Variants in SLCO3A1 observed in about 807,000 individuals in gnomAD.
SLCO3A1 encodes the protein PGE1 transporter.
SLCO3A1 carries 27 observed loss-of-function variants against 63.1 expected under a neutral mutation model. That is an observed-to-expected ratio of 0.43 (90% confidence interval 0.32 to 0.59). The LOEUF is 0.59. Ranked by LOEUF, SLCO3A1 falls within the 20% of genes least tolerant of loss-of-function variation. The pLI is 0.09. For missense variants in SLCO3A1, 773 were observed against 945.8 expected, an observed-to-expected ratio of 0.82 and a Z score of 2.40; for synonymous variants, 473 against 409.9, an observed-to-expected ratio of 1.15 and a Z score of -1.86.
chr15:92,018,198 G>A (rs1243568833), intron 2 of SLCO3A1, among the ~76,000 whole-genome samples: 2 of 152,218 alleles, frequency 1.3e-5, no homozygotes, highest in Admixed American at 6.5e-5. Context: ...GGAACTGGGT[G>A]GGAGTCAGGG....
At chr15:92,043,022 C>G (rs955197286) in intron 2 of SLCO3A1, among the ~76,000 whole-genome samples, 7 of 152,080 alleles carry the variant, frequency 4.6e-5, no homozygotes, top group Non-Finnish European at 1.0e-4. Flanking sequence ...TTAATTGTGA[C>G]TTTTTTGGTG....
rs1310862781 is a variant in SLCO3A1, at chr15:91,941,468, G to A, written c.646+25010G>A. On this transcript the variant is annotated intron_variant, in intron 2 of 9. Transcript: ENST00000318445. The surrounding 1 kb of genome is among the most constrained non-coding windows in gnomAD (Gnocchi z 4.4). ...GCCTGGTTCCTTTGGCCTTAGGGAA[G>A]GACAAACTTCAACTCTGAGCCTTGA... 6.6e-6 allele frequency: 3 copies of A among 451,346 alleles called. No homozygotes were observed. Among genetic ancestry groups the A allele is most frequent in the East Asian group, 1.4e-4 (2 of 14,360 alleles). The allele number at this position is 451,346 out of a possible 1,614,324, so 28.0% of individuals were successfully genotyped here.
chr15:91,934,193 G>A (rs1217200776), intron 2 of SLCO3A1, among the ~76,000 whole-genome samples: 1 of 152,132 alleles, frequency 6.6e-6, no homozygotes, highest in African/African-American at 2.4e-5. Flanking sequence ...AGGACCAGGT[G>A]GATGTCTGTA....
chr15:92,163,307 G>A lies in SLCO3A1; in HGVS notation c.*172G>A. On this transcript the variant is annotated 3_prime_UTR_variant, in exon 10 of 10. Coordinates refer to ENST00000318445, the MANE Select transcript of SLCO3A1 (RefSeq NM_013272.4). ...GTCCTTTTTCTCAGCATCAGAGCCAGACAGGATTCAGAATAAGGAGAGAAT... is the reference window on the plus strand; with the variant it reads ...GTCCTTTTTCTCAGCATCAGAGCCAAACAGGATTCAGAATAAGGAGAGAAT... The A allele has an allele frequency of 7.8e-7, 1 of 1,280,190 alleles. No homozygotes were observed. Among genetic ancestry groups the A allele is most frequent in the South Asian group, 2.9e-5 (1 of 34,426 alleles). The allele number at this position is 1,280,190 out of a possible 1,614,324, so 79.3% of individuals were successfully genotyped here.
In SLCO3A1 at chr15:91,950,711, T is replaced by G. The variant is rs567406977; in HGVS notation, c.646+34253T>G. On this transcript the variant is annotated intron_variant, in intron 2 of 9. Transcript: ENST00000318445. This position sits in a 1 kb window ranked among gnomAD's most constrained non-coding sequence, Gnocchi z 4.4. ...TTCTGTATTTCACAACCAGTCTGAT[T>G]GCTCTTGTCCCAAGTCATTGCTTTT... Among the ~76,000 whole-genome samples the G allele has an allele frequency of 6.6e-6, 1 of 152,354 alleles. No homozygotes were observed. Among genetic ancestry groups the G allele is most frequent in the South Asian group, 2.1e-4 (1 of 4,822 alleles).
chr15:92,006,835 A>G (rs2046318729), intron 2 of SLCO3A1, among the ~76,000 whole-genome samples: 1 of 152,230 alleles, frequency 6.6e-6, no homozygotes, highest in Admixed American at 6.5e-5. Flanking sequence ...CAGTCCAGAA[A>G]GGGAGTTCCC....
chr15:91,954,721 A>G lies in SLCO3A1; in HGVS notation c.646+38263A>G, dbSNP rs184418115. On this transcript the variant is annotated intron_variant, in intron 2 of 9. Transcript: ENST00000318445. The surrounding 1 kb of genome is among the most constrained non-coding windows in gnomAD (Gnocchi z 4.7). ...TAGAGCCCAATGAGTGAGGGGGGTA[A>G]AGATGGGGAGAGGGGTTGACCTGCG... Among the ~76,000 whole-genome samples the G allele has an allele frequency of 3.0e-4, 45 of 152,092 alleles. No homozygotes were observed. The highest frequency in any genetic ancestry group is 1.2e-4 in the Non-Finnish European group (8 of 67,998).
chr15:92,154,819 A>G (rs1321195772), intron 9 of SLCO3A1, among the ~76,000 whole-genome samples: 1 of 152,192 alleles, frequency 6.6e-6, no homozygotes, highest in Non-Finnish European at 1.5e-5. Context: ...GGTGATGATC[A>G]AAGTAGGGCT....
At chr15:91,867,814 C>T (rs182115222) in intron 1 of SLCO3A1, among the ~76,000 whole-genome samples, 39 of 152,240 alleles carry the variant, frequency 2.6e-4, no homozygotes, top group African/African-American at 8.7e-4. Context: ...GCGGAGGCCC[C>T]GGGTGTTCTG....
chr15:91,866,503 A>G (rs1318698735), intron 1 of SLCO3A1, among the ~76,000 whole-genome samples: 1 of 149,944 alleles, frequency 6.7e-6, no homozygotes, highest in Non-Finnish European at 1.5e-5. Context: ...AATCTCATCC[A>G]TCTCTGTGGT....
At chr15:92,060,988 T>C (rs1229910309) in intron 2 of SLCO3A1, among the ~76,000 whole-genome samples, 5 of 152,212 alleles carry the variant, frequency 3.3e-5, no homozygotes, top group Non-Finnish European at 5.9e-5. Flanking sequence ...AGGTTCATCA[T>C]TGACTGAAAC....
intron 7 of SLCO3A1, among the ~76,000 whole-genome samples, chr15:92,145,124 A>G (rs2048203728): frequency 6.6e-6 from 1 of 152,126 alleles, no homozygotes; most frequent in Non-Finnish European, 1.5e-5. Flanking sequence ...CTCCGGGGAG[A>G]GAAAAATGCA....
intron 2 of SLCO3A1, among the ~76,000 whole-genome samples, chr15:92,052,597 T>C (rs2046971042): frequency 6.6e-6 from 1 of 152,122 alleles, no homozygotes; most frequent in South Asian, 2.1e-4. Context: ...CAGCCACATA[T>C]ACACAGGATT....
intron 4 of SLCO3A1, among the ~76,000 whole-genome samples, chr15:92,112,962 T>C (rs2047747609): frequency 6.6e-6 from 1 of 152,326 alleles, no homozygotes; most frequent in East Asian, 1.9e-4. Flanking sequence ...CCAAATGCAG[T>C]CAGCCTTGCT....
intron 1 of SLCO3A1, among the ~76,000 whole-genome samples, chr15:91,874,695 C>T (rs984564975): frequency 3.9e-5 from 6 of 152,334 alleles, no homozygotes; most frequent in East Asian, 3.9e-4. Context: ...AATGCCGCTC[C>T]GATCATCGCT....
At chr15:91,904,228 C>T (rs1239528099) in intron 1 of SLCO3A1, among the ~76,000 whole-genome samples, 2 of 152,132 alleles carry the variant, frequency 1.3e-5, no homozygotes, top group African/African-American at 2.4e-5. Context: ...ACAGGTACAC[C>T]TTTTGGTATT....
chr15:92,082,752 G>A (rs2047362077), intron 2 of SLCO3A1, among the ~76,000 whole-genome samples: 1 of 152,194 alleles, frequency 6.6e-6, no homozygotes, highest in Non-Finnish European at 1.5e-5. Context: ...CAGAAATTGA[G>A]AAATGTAACC....
chr15:92,051,775 G>A (rs2046960728), intron 2 of SLCO3A1, among the ~76,000 whole-genome samples: 1 of 152,176 alleles, frequency 6.6e-6, no homozygotes, highest in South Asian at 2.1e-4. Flanking sequence ...ACTCTTCAAA[G>A]AAGACACTTA....
Position 91,948,789 on chromosome 15 carries a change from C to T in SLCO3A1, c.646+32331C>T, listed in dbSNP as rs138575108. Among the ~76,000 whole-genome samples, 309 of 152,258 alleles carry T rather than the reference C, an allele frequency of 2.0e-3. 2 individuals carry two copies. The highest frequency in any genetic ancestry group is 7.0e-3 in the African/African-American group (289 of 41,546). ...GGGTCCTTTGGGTCCTGTATCCTGA[C>T]TAATGACCCCAAAGATATTCTGGGT... On this transcript the variant is annotated intron_variant, in intron 2 of 9. Coordinates refer to ENST00000318445, the MANE Select transcript of SLCO3A1 (RefSeq NM_013272.4). This position sits in a 1 kb window ranked among gnomAD's most constrained non-coding sequence, Gnocchi z 4.8.
Sources: gnomAD v4.1 joint callset for allele counts (sites outside exome capture counted in the v4.1 genomes callset) on GRCh38, gnomAD v4.1.1 for gene constraint, Gnocchi (gnomAD v3.1) non-coding constraint, MANE v1.5 for transcripts, NCBI Gene and HGNC (gene_info 2026-07-23, HGNC 2026-07-21) for gene names.